KATNAL2: variants seen among roughly 807,000 people sequenced by gnomAD.
KATNAL2 encodes katanin p60 ATPase-containing subunit A-like 2.
KATNAL2 carries 52 observed loss-of-function variants against 76.3 expected under a neutral mutation model. The ratio of observed to expected loss-of-function variants is 0.68; its 90% CI spans 0.55 to 0.86. KATNAL2 has a LOEUF of 0.86. KATNAL2 is among the 40% of genes least tolerant of loss of function. The probability of loss-of-function intolerance (pLI) is 0.00; values close to 1 mark genes in which losing one functional copy is unlikely to be tolerated. For missense variants in KATNAL2, 660 were observed against 668.9 expected, an observed-to-expected ratio of 0.99 and a Z score of 0.15; for synonymous variants, 243 against 244.2, an observed-to-expected ratio of 1.00 and a Z score of 0.05.
intron 4 of KATNAL2, among the ~76,000 whole-genome samples, chr18:47,051,424 T>C: frequency 6.7e-6 from 1 of 149,204 alleles, no homozygotes; most frequent in African/African-American, 2.5e-5. Context: ...AGGCCCTGTC[T>C]CTAAAAAGAA....
At chr18:46,952,406 T>G (rs972517416) in intron 3 of KATNAL2, among the ~76,000 whole-genome samples, 6 of 140,030 alleles carry the variant, frequency 4.3e-5, no homozygotes, top group South Asian at 2.5e-4. Flanking sequence ...TTTTTTTTTT[T>G]TTTTTTTTTT....
chr18:47,059,940 A>C (rs1284296349), intron 8 of KATNAL2, among the ~76,000 whole-genome samples: 1 of 152,144 alleles, frequency 6.6e-6, no homozygotes, highest in African/African-American at 2.4e-5. Context: ...CATCAGCTTA[A>C]AAATTCTGTA....
chr18:47,084,560 G>A (rs7505793), intron 15 of KATNAL2: 34 of 598,858 alleles, frequency 5.7e-5, no homozygotes, highest in Non-Finnish European at 7.5e-5. Context: ...TTTAAAATAC[G>A]ACTGTGGGCC....
chr18:46,944,919 T>C lies in KATNAL2; in HGVS notation c.-509-1138T>C, dbSNP rs546496559. On this transcript the variant is annotated intron_variant, in intron 1 of 17. Coordinates refer to ENST00000683218, the MANE Select transcript of KATNAL2 (RefSeq NM_001387690.1). ...TCCAGCCTGGGCAACAGAGCAAGAC[T>C]CTGTCTCAAAAAATAAATAAATAAA... Among the ~76,000 whole-genome samples, 93 of 152,180 alleles carry C rather than the reference T, an allele frequency of 6.1e-4. No homozygotes were observed. The Middle Eastern group carries it at 0.017, about 28-fold the overall frequency.
In KATNAL2 at chr18:47,102,133, G is replaced by A. The variant is rs902601602; in HGVS notation, c.*1128G>A. ...AAACCAAAGCATTTTTTTCGGTATC[G>A]ATTATTTTGAGATTATTCTCAAATG... is the stretch of plus-strand genomic sequence containing the variant. On this transcript the variant is annotated 3_prime_UTR_variant, in exon 18 of 18. Transcript: ENST00000683218. 6.6e-6 allele frequency: 1 copy of A among 152,046 alleles called. No homozygotes were observed. Among genetic ancestry groups the A allele is most frequent in the Non-Finnish European group, 1.5e-5 (1 of 67,994 alleles). 9.4% of individuals were successfully genotyped at this position (152,046 alleles called of 1,614,324 possible).
At chr18:46,939,363 G>T (rs1046631846) in intron 1 of KATNAL2, among the ~76,000 whole-genome samples, 1 of 150,608 alleles carries the variant, frequency 6.6e-6, no homozygotes, top group African/African-American at 2.4e-5. Context: ...GAAAAGAAAA[G>T]AATGATTTAT....
chr18:46,949,160 G>A (rs2059474433), intron 3 of KATNAL2, among the ~76,000 whole-genome samples: 1 of 151,950 alleles, frequency 6.6e-6, no homozygotes, highest in South Asian at 2.1e-4. Context: ...GGCCTCCCAC[G>A]GTGCTGGAAT....
In KATNAL2 at chr18:47,067,688, A is replaced by T. The variant is rs1235881320; in HGVS notation, c.825+569A>T. On this transcript the variant is annotated intron_variant, in intron 11 of 17. Coordinates refer to ENST00000683218, the MANE Select transcript of KATNAL2 (RefSeq NM_001387690.1). ...AGAAAAACAATACTCTCCATGTTTG[A>T]TTTACAAATGGGTTAATGAGGAGAT... Among the ~76,000 whole-genome samples the T allele has an allele frequency of 3.9e-5, 6 of 152,326 alleles. No individual in the cohort carries two copies. The East Asian group carries it at 1.2e-3, about 29-fold the overall frequency.
At chr18:46,961,502 G>C (rs1160579684) in intron 3 of KATNAL2, among the ~76,000 whole-genome samples, 1 of 152,198 alleles carries the variant, frequency 6.6e-6, no homozygotes, top group Admixed American at 6.5e-5. Context: ...AGGAGCAAGG[G>C]TAATACACAG....
chr18:47,083,263 G>A (rs2147300784), intron 15 of KATNAL2, among the ~76,000 whole-genome samples: 1 of 152,252 alleles, frequency 6.6e-6, no homozygotes, highest in South Asian at 2.1e-4. Context: ...AAGAATGTGG[G>A]AACAGATCTT....
rs539259610 is a variant in KATNAL2, at chr18:47,046,482, G to A, written c.77G>A (p.Arg26Gln). 130 of 1,535,898 alleles carry A rather than the reference G, an allele frequency of 8.5e-5. No individual in the cohort carries two copies. The highest frequency in any genetic ancestry group is 6.9e-5 in the Non-Finnish European group (79 of 1,146,790). The change falls in exon 4 of 18, where the codon CGA (arginine) becomes CAA (glutamine). Residue 26 changes from arginine to glutamine, a missense_variant. Transcript: ENST00000683218. ...EACEMRTEAR[R>Q]KNLLILISHY... The stretch of plus-strand genomic sequence containing the variant: ...TGCGAGATGAGGACAGAAGCACGAC[G>A]AAAAAATCTTCTCATTTTGATTTCG...
intron 13 of KATNAL2, 89 bp downstream of exon 13, chr18:47,069,689 AT>A: frequency 1.2e-6 from 1 of 823,400 alleles, no homozygotes; most frequent in Non-Finnish European, 1.9e-6. Flanking sequence ...CTTTTAGGTG[AT>A]TTTATGTGAG....
At chr18:46,957,249 CTTTTTTT>C (rs1223846865) in intron 3 of KATNAL2, among the ~76,000 whole-genome samples, 1 of 73,914 alleles carries the variant, frequency 1.4e-5, no homozygotes, top group Non-Finnish European at 2.4e-5. Flanking sequence ...TTGCCCTCTT[CTTTTTTT>C]TTTTTTTTTT....
intron 4 of KATNAL2, 129 bp from the exon 5 acceptor site, chr18:47,052,751 T>C: frequency 1.7e-6 from 1 of 604,612 alleles, no homozygotes; most frequent in Non-Finnish European, 2.7e-6. Flanking sequence ...ATGCACATAC[T>C]AGTTTTCATC....
chr18:46,952,766 G>A (rs2059603401), intron 3 of KATNAL2, among the ~76,000 whole-genome samples: 1 of 151,716 alleles, frequency 6.6e-6, no homozygotes, highest in African/African-American at 2.4e-5. Flanking sequence ...AAGATGTCAT[G>A]CTTTCTTTCG....
chr18:47,039,769 T>C (rs908742917), intron 3 of KATNAL2, among the ~76,000 whole-genome samples: 1 of 152,204 alleles, frequency 6.6e-6, no homozygotes, highest in Non-Finnish European at 1.5e-5. Context: ...AGAGAGACTC[T>C]GAAATGCATG....
intron 13 of KATNAL2, among the ~76,000 whole-genome samples, chr18:47,071,633 G>T (rs1034546113): frequency 1.3e-5 from 2 of 152,028 alleles, no homozygotes; most frequent in Non-Finnish European, 2.9e-5. Context: ...ACAAGACACT[G>T]CTAGGTACAC....
intron 3 of KATNAL2, among the ~76,000 whole-genome samples, chr18:46,961,416 A>G (rs1309297560): frequency 6.6e-6 from 1 of 152,202 alleles, no homozygotes; most frequent in African/African-American, 2.4e-5. Flanking sequence ...TGATAGAGTG[A>G]CAGCGATTCA....
At chr18:47,077,038 G>T (rs1222915291) in intron 14 of KATNAL2, among the ~76,000 whole-genome samples, 1 of 152,096 alleles carries the variant, frequency 6.6e-6, no homozygotes, top group African/African-American at 2.4e-5. Context: ...AAATAATGCT[G>T]CAGGTAGACA....
Sources: allele counts gnomAD v4.1 joint callset (sites outside exome capture counted in the v4.1 genomes callset), GRCh38; gene constraint gnomAD v4.1.1; transcripts MANE v1.5; gene names NCBI Gene and HGNC (gene_info 2026-07-23, HGNC 2026-07-21).